The following WWOX variants were observed in gnomAD, a reference collection of about 807,000 sequenced individuals.
The protein encoded by WWOX is WW domain containing oxidoreductase, also known as WW domain-containing oxidoreductase.
A neutral mutation model predicts 46.2 loss-of-function variants in WWOX; 69 were observed. That is an observed-to-expected ratio of 1.49 (90% CI 1.23 to 1.82). The LOEUF is 1.82. Among genes scored for constraint, WWOX ranks in the 40% most tolerant of loss-of-function variants. The pLI is 0.00. For missense variants in WWOX, 919 were observed against 542.6 expected (o/e 1.69, Z -6.89); for synonymous variants, 359 against 202.6 (o/e 1.77, Z -6.56).
rs1289872115 is a variant in WWOX, at chr16:78,164,267, T to C, written c.494T>C (p.Val165Ala). Reference protein sequence around the residue: ...CRNMARASEAVSRILEEWHKA... With the variant: ...CRNMARASEAASRILEEWHKA... ...AACATGGCAAGGGCGAGTGAAGCAGTGTCACGCATTTTAGAAGAATGGGTA... is the reference window on the plus strand; with the variant it reads ...AACATGGCAAGGGCGAGTGAAGCAGCGTCACGCATTTTAGAAGAATGGGTA... Residue 165 changes from valine to alanine, a missense_variant, in exon 5 of 9, where the codon GTG becomes GCG. Transcript: ENST00000566780. 1.2e-6 allele frequency: 2 copies of C among 1,614,040 alleles called. No homozygotes were observed. The highest frequency in any genetic ancestry group is 2.2e-5 in the East Asian group (1 of 44,880).
chr16:78,833,695 G>A (rs73577481), intron 8 of WWOX, among the ~76,000 whole-genome samples: 12 of 152,368 alleles, frequency 7.9e-5, no homozygotes, highest in African/African-American at 2.9e-4. Flanking sequence ...TTTCACAGCA[G>A]TTGATTGAAT....
chr16:78,451,241 G>C (rs1441225928), intron 8 of WWOX, among the ~76,000 whole-genome samples: 1 of 152,162 alleles, frequency 6.6e-6, no homozygotes, highest in Non-Finnish European at 1.5e-5. Flanking sequence ...CCTCATGTTA[G>C]TCTGTAATGT....
At chr16:78,537,109 G>A (rs1162789627) in intron 8 of WWOX, among the ~76,000 whole-genome samples, 1 of 151,936 alleles carries the variant, frequency 6.6e-6, no homozygotes, top group South Asian at 2.1e-4. Context: ...TAGAGGCGGG[G>A]TTTTGCCATG....
At chr16:78,900,191 C>A (rs557529092) in intron 8 of WWOX, among the ~76,000 whole-genome samples, 2 of 151,284 alleles carry the variant, frequency 1.3e-5, no homozygotes, top group African/African-American at 4.9e-5. Context: ...GGGTGTAAAC[C>A]TTCATGCAGA....
At chr16:78,843,716 A>T (rs1271355837) in intron 8 of WWOX, among the ~76,000 whole-genome samples, 1 of 152,242 alleles carries the variant, frequency 6.6e-6, no homozygotes, top group Non-Finnish European at 1.5e-5. Flanking sequence ...TCATTAAGTA[A>T]GTCCACAAAA....
intron 7 of WWOX, among the ~76,000 whole-genome samples, chr16:78,426,643 C>G (rs1185383610): frequency 1.3e-5 from 2 of 152,058 alleles, no homozygotes; most frequent in Admixed American, 6.6e-5. Flanking sequence ...TCCAATTATT[C>G]TTTGCACATC....
chr16:78,309,422 C>T (rs371737867), intron 5 of WWOX, among the ~76,000 whole-genome samples: 1 of 152,148 alleles, frequency 6.6e-6, no homozygotes, highest in African/African-American at 2.4e-5. Context: ...TCAGGCAGTT[C>T]TTGGTAGCAA....
At chr16:78,142,125 T>C (rs1046084714) in intron 4 of WWOX, among the ~76,000 whole-genome samples, 20 of 152,134 alleles carry the variant, frequency 1.3e-4, no homozygotes, top group Admixed American at 6.6e-5. Flanking sequence ...TATAATTAGT[T>C]TAAGAAAACT....
chr16:78,854,673 C>T (rs898577753), intron 8 of WWOX, among the ~76,000 whole-genome samples: 58 of 152,150 alleles, frequency 3.8e-4, no homozygotes, highest in African/African-American at 5.8e-4. Flanking sequence ...CTCCGCCTCC[C>T]GGGTTCAAGT....
chr16:78,450,510 C>T (rs555348195), intron 8 of WWOX, among the ~76,000 whole-genome samples: 5 of 151,962 alleles, frequency 3.3e-5, no homozygotes, highest in South Asian at 4.1e-4. Context: ...GTATATTTGC[C>T]GGATCCAAAA....
intron 8 of WWOX, among the ~76,000 whole-genome samples, chr16:78,992,766 G>C (rs935828545): frequency 2.0e-5 from 3 of 152,152 alleles, no homozygotes; most frequent in African/African-American, 7.2e-5. Context: ...ACTCCCGGAG[G>C]AAAGTGTCCT....
At chr16:78,791,948 C>T (rs895997384) in intron 8 of WWOX, among the ~76,000 whole-genome samples, 92 of 152,110 alleles carry the variant, frequency 6.0e-4, no homozygotes, top group African/African-American at 2.0e-3. Flanking sequence ...CTTCTCTTCA[C>T]AAGTTTTTCT....
chr16:78,482,478 C>T (rs1025997207), intron 8 of WWOX, among the ~76,000 whole-genome samples: 1 of 152,172 alleles, frequency 6.6e-6, no homozygotes, highest in Non-Finnish European at 1.5e-5. Context: ...CTGCCTTGGC[C>T]TCCGAAAGTG....
intron 8 of WWOX, among the ~76,000 whole-genome samples, chr16:79,019,746 C>T (rs1204263580): frequency 6.6e-6 from 1 of 151,872 alleles, no homozygotes; most frequent in African/African-American, 2.4e-5. Flanking sequence ...GTTAGTGGTC[C>T]AGAGAGGGAA....
chr16:79,163,884 G>GAAAAAAAA (rs10671742), intron 8 of WWOX, among the ~76,000 whole-genome samples: 26 of 136,436 alleles, frequency 1.9e-4, no homozygotes, highest in Non-Finnish European at 3.1e-4. Context: ...AAGAGAATTG[G>GAAAAAAAA]AAAAAAAAAA....
At chr16:78,975,007 T>C (rs1307637008) in intron 8 of WWOX, among the ~76,000 whole-genome samples, 1 of 152,112 alleles carries the variant, frequency 6.6e-6, no homozygotes, top group Admixed American at 6.5e-5. Context: ...GCCCCTCTTC[T>C]CTCCTGGTGA....
intron 8 of WWOX, among the ~76,000 whole-genome samples, chr16:78,524,427 T>A (rs1399120965): frequency 1.3e-5 from 2 of 150,998 alleles, no homozygotes; most frequent in Non-Finnish European, 1.5e-5. Context: ...TTTATTTATT[T>A]ATTTGTTTGT....
At chr16:78,778,767 G>A (rs1880806047) in intron 8 of WWOX, among the ~76,000 whole-genome samples, 2 of 152,108 alleles carry the variant, frequency 1.3e-5, no homozygotes, top group Admixed American at 6.5e-5. Flanking sequence ...AGAGCACACC[G>A]CCGTCCCCAA....
At chr16:78,128,448 A>C (rs1053035909) in intron 4 of WWOX, among the ~76,000 whole-genome samples, 1 of 152,154 alleles carries the variant, frequency 6.6e-6, no homozygotes, top group African/African-American at 2.4e-5. Context: ...AGTTGTGTTG[A>C]GATTACACAG....
Sources: gnomAD v4.1 joint callset for allele counts (sites outside exome capture counted in the v4.1 genomes callset) on GRCh38, gnomAD v4.1.1 for gene constraint, MANE v1.5 for transcripts, NCBI Gene and HGNC (gene_info 2026-07-23, HGNC 2026-07-21) for gene names.